Variants in FKTN observed in about 807,000 individuals in gnomAD.
The protein encoded by FKTN is ribitol-5-phosphate transferase FKTN.
A neutral mutation model predicts 58.6 loss-of-function variants in FKTN; 47 were observed. The observed-to-expected ratio is 0.80, with a 90% CI of 0.63 to 1.02. FKTN has a LOEUF of 1.02. Ranked by LOEUF, FKTN falls within the 50% of genes least tolerant of loss-of-function variation. The pLI, the probability that FKTN is intolerant of heterozygous loss-of-function variation, is 0.00. For missense variants in FKTN, 516 were observed against 537.3 expected, an observed-to-expected ratio of 0.96 and a Z score of 0.39; for synonymous variants, 178 against 191.9, an observed-to-expected ratio of 0.93 and a Z score of 0.60.
chr9:105,592,688 C>G (rs537987642), intron 3 of FKTN, among the ~76,000 whole-genome samples: 11 of 152,258 alleles, frequency 7.2e-5, no homozygotes, highest in African/African-American at 2.6e-4. Flanking sequence ...AACTATCACT[C>G]TCGAGTTCAG....
intron 5 of FKTN, among the ~76,000 whole-genome samples, chr9:105,602,805 C>A (rs1828138015): frequency 6.6e-6 from 1 of 152,102 alleles, no homozygotes; most frequent in South Asian, 2.1e-4. Context: ...AATGATCCAC[C>A]TGCCTCAGCC....
chr9:105,622,165 T>C (rs1832079280), intron 10 of FKTN, among the ~76,000 whole-genome samples: 1 of 152,046 alleles, frequency 6.6e-6, no homozygotes, highest in East Asian at 1.9e-4. Context: ...AAATCTACCA[T>C]ACACCAAATA....
intron 1 of FKTN, among the ~76,000 whole-genome samples, chr9:105,571,203 G>A (rs1840677193): frequency 6.6e-6 from 1 of 152,110 alleles, no homozygotes; most frequent in South Asian, 2.1e-4. Context: ...TTAAAATTAG[G>A]ACATTAGGTA....
In FKTN at chr9:105,598,173, T is replaced by A. The variant is rs1235872295; in HGVS notation, c.165+1516T>A. 8.6e-6 allele frequency: 4 copies of A among 466,780 alleles called. No homozygotes were observed. The highest frequency in any genetic ancestry group is 1.8e-5 in the Non-Finnish European group (4 of 225,430). 28.9% of individuals were successfully genotyped at this position (466,780 alleles called of 1,614,324 possible). ...GCAAGCAAAAAGTTGAAGAGCAGCT[T>A]ACCACATTCAGTGAGTTCTCTTTAT... On this transcript the variant is annotated intron_variant, in intron 4 of 10. Coordinates refer to ENST00000357998, the MANE Select transcript of FKTN (RefSeq NM_001079802.2).
chr9:105,576,387 A>G (rs1384173665), intron 3 of FKTN, among the ~76,000 whole-genome samples: 3 of 151,782 alleles, frequency 2.0e-5, no homozygotes, highest in Admixed American at 6.6e-5. Flanking sequence ...CTCATTGTTC[A>G]TTTCCCACCT....
chr9:105,599,959 G>A (rs965396064), intron 4 of FKTN, among the ~76,000 whole-genome samples: 2 of 146,728 alleles, frequency 1.4e-5, no homozygotes, highest in East Asian at 3.9e-4. Flanking sequence ...TTTGAGGGCA[G>A]TTTTTTTTTT....
At chr9:105,595,164 G>T (rs927070046) in intron 3 of FKTN, among the ~76,000 whole-genome samples, 2 of 152,092 alleles carry the variant, frequency 1.3e-5, no homozygotes, top group South Asian at 4.2e-4. Flanking sequence ...TATGATTGGG[G>T]CTGAGTGGAG....
chr9:105,585,412 C>T (rs565004114), intron 3 of FKTN, among the ~76,000 whole-genome samples: 10 of 152,050 alleles, frequency 6.6e-5, no homozygotes, highest in Admixed American at 1.3e-4. Context: ...GAGGGAGACC[C>T]TGTCTCAAAA....
At chr9:105,632,200 T>C (rs1833542107) in intron 10 of FKTN, among the ~76,000 whole-genome samples, 1 of 151,442 alleles carries the variant, frequency 6.6e-6, no homozygotes, top group South Asian at 2.1e-4. Flanking sequence ...TTCTCACTCA[T>C]AGGTGGGAAC....
At chr9:105,581,504 TGAG>T (rs1305807579) in intron 3 of FKTN, among the ~76,000 whole-genome samples, 1 of 151,170 alleles carries the variant, frequency 6.6e-6, no homozygotes, top group Non-Finnish European at 1.5e-5. Context: ...GGGACCCACT[TGAG>T]GAGGCAGTCT....
intron 1 of FKTN, among the ~76,000 whole-genome samples, chr9:105,571,554 G>T (rs1228245156): frequency 6.6e-6 from 1 of 152,162 alleles, no homozygotes; most frequent in African/African-American, 2.4e-5. Flanking sequence ...GAAAGAACAA[G>T]ATATTAATTT....
intron 3 of FKTN, among the ~76,000 whole-genome samples, chr9:105,591,047 A>G (rs1330872406): frequency 1.3e-5 from 2 of 152,114 alleles, no homozygotes; most frequent in Admixed American, 6.5e-5. Context: ...CACCAAGAGG[A>G]TGGTGCTAAA....
chr9:105,580,144 T>G (rs1842598960), intron 3 of FKTN, among the ~76,000 whole-genome samples: 1 of 152,158 alleles, frequency 6.6e-6, no homozygotes, highest in Non-Finnish European at 1.5e-5. Flanking sequence ...TGTCTTTTAA[T>G]TGGAGAATTT....
chr9:105,573,886 A>T (rs1841221144), intron 2 of FKTN, 140 bp downstream of exon 2: 1 of 152,214 alleles, frequency 6.6e-6, no homozygotes, highest in African/African-American at 2.4e-5. Flanking sequence ...TTGGGGAAAG[A>T]CAGTGTAACC....
intron 3 of FKTN, among the ~76,000 whole-genome samples, chr9:105,578,170 C>T (rs1842113752): frequency 6.7e-6 from 1 of 149,982 alleles, no homozygotes; most frequent in African/African-American, 2.5e-5. Context: ...TTTCCTTCTC[C>T]TGCCTAATTG....
At chr9:105,589,196 C>A (rs1564255332) in intron 3 of FKTN, among the ~76,000 whole-genome samples, 1 of 152,138 alleles carries the variant, frequency 6.6e-6, no homozygotes, top group Non-Finnish European at 1.5e-5. Flanking sequence ...TTTTTACATT[C>A]TTTCTGAAGA....
intron 3 of FKTN, among the ~76,000 whole-genome samples, chr9:105,577,798 T>A (rs542778402): frequency 6.6e-6 from 1 of 150,538 alleles, no homozygotes; most frequent in Admixed American, 6.6e-5. Context: ...TTCCTACCCA[T>A]GAGCATGGAA....
At chr9:105,566,780 C>T (rs1839707675) in intron 1 of FKTN, among the ~76,000 whole-genome samples, 1 of 152,210 alleles carries the variant, frequency 6.6e-6, no homozygotes, top group Non-Finnish European at 1.5e-5. Context: ...AGGGAATCCT[C>T]CCTAACTCAT....
chr9:105,618,707 A>T (rs1831270467), intron 9 of FKTN, among the ~76,000 whole-genome samples: 1 of 152,164 alleles, frequency 6.6e-6, no homozygotes, highest in Admixed American at 6.5e-5. Context: ...TAAGCCCATG[A>T]TCTCTTGCAA....
Sources: gnomAD v4.1 joint callset for allele counts (sites outside exome capture counted in the v4.1 genomes callset) on GRCh38, gnomAD v4.1.1 for gene constraint, MANE v1.5 for transcripts, NCBI Gene and HGNC (gene_info 2026-07-23, HGNC 2026-07-21) for gene names.